Variants in ULK4 observed in about 807,000 individuals in gnomAD.
ULK4 encodes the protein inactive serine/threonine-protein kinase ULK4.
In ULK4, 133 loss-of-function variants were observed where a neutral mutation model predicts 160.6. The ratio of observed to expected loss-of-function variants is 0.83; its 90% CI spans 0.72 to 0.96. ULK4 has a LOEUF of 0.96. ULK4 is among the 40% of genes least tolerant of loss of function. ULK4 has a pLI of 0.00. For missense variants in ULK4, 1,580 were observed against 1,499.5 expected (o/e 1.05, Z -0.89); for synonymous variants, 534 against 539.8 (o/e 0.99, Z 0.15).
chr3:41,257,639 A>G (rs1427576959), intron 35 of ULK4, among the ~76,000 whole-genome samples: 1 of 152,022 alleles, frequency 6.6e-6, no homozygotes, highest in Non-Finnish European at 1.5e-5. Flanking sequence ...TCTCAAAAAA[A>G]AAAAAAAAAA....
At position 41,461,874 on chromosome 3, in the gene ULK4, CTGAAA is replaced by C. The variant is rs2083693572; in HGVS notation, c.3393+1208_3393+1212del. On this transcript the variant is annotated intron_variant, in intron 33 of 36. Coordinates refer to ENST00000301831, the MANE Select transcript of ULK4 (RefSeq NM_017886.4). ...TTACAAAAATCTACCACTATGGAAACTGAAATAAGAAACTGTGTTCTCTGAAAAGA... is the reference window on the plus strand; with the variant it reads ...TTACAAAAATCTACCACTATGGAAACTAAGAAACTGTGTTCTCTGAAAAGA... Among the ~76,000 whole-genome samples the C allele has an allele frequency of 3.9e-5, 6 of 152,018 alleles. No homozygotes were observed. In the South Asian group the frequency reaches 1.2e-3, roughly 31 times the overall value.
intron 35 of ULK4, among the ~76,000 whole-genome samples, chr3:41,358,341 AT>A (rs2081067089): frequency 6.6e-6 from 1 of 152,236 alleles, no homozygotes; most frequent in South Asian, 2.1e-4. Flanking sequence ...GTGCCTGTAT[AT>A]CAGAGGGGCA....
intron 18 of ULK4, among the ~76,000 whole-genome samples, chr3:41,827,506 G>A (rs1349810359): frequency 3.9e-5 from 6 of 152,042 alleles, no homozygotes; most frequent in Non-Finnish European, 8.8e-5. Flanking sequence ...TACCATCAGA[G>A]AATACTACAA....
At chr3:41,811,188 T>A in intron 19 of ULK4, among the ~76,000 whole-genome samples, 1 of 150,668 alleles carries the variant, frequency 6.6e-6, no homozygotes, top group South Asian at 2.1e-4. Flanking sequence ...CACCTGGCCT[T>A]TATTTATTTT....
At chr3:41,609,852 C>A (rs955047133) in intron 31 of ULK4, among the ~76,000 whole-genome samples, 10 of 151,892 alleles carry the variant, frequency 6.6e-5, no homozygotes, top group Admixed American at 5.9e-4. Flanking sequence ...CACACCCCTG[C>A]AGACACAGCT....
At chr3:41,803,746 T>C (rs1302499732) in intron 19 of ULK4, among the ~76,000 whole-genome samples, 1 of 152,186 alleles carries the variant, frequency 6.6e-6, no homozygotes, top group Admixed American at 6.5e-5. Context: ...TTTGGTTTTT[T>C]GTCCTTGCAA....
chr3:41,399,792 C>T (rs901872494), intron 34 of ULK4, among the ~76,000 whole-genome samples: 6 of 151,864 alleles, frequency 4.0e-5, no homozygotes, highest in South Asian at 2.1e-4. Flanking sequence ...TTTGTGTAGA[C>T]GGGTCTCACC....
chr3:41,801,364 G>A (rs979539236), intron 19 of ULK4, among the ~76,000 whole-genome samples: 9 of 152,010 alleles, frequency 5.9e-5, no homozygotes, highest in African/African-American at 1.9e-4. Context: ...ACTGTAGGAC[G>A]CCTTCAAAAG....
chr3:41,824,163 T>TTTAAAGA (rs555935496), intron 18 of ULK4, among the ~76,000 whole-genome samples: 1 of 117,812 alleles, frequency 8.5e-6, no homozygotes, highest in African/African-American at 3.5e-5. Flanking sequence ...ACTCTATCTT[T>TTTAAAGA]AAAAAAAAAA....
chr3:41,753,445 T>G (rs7650227), intron 22 of ULK4, among the ~76,000 whole-genome samples: 47,439 of 152,024 alleles, frequency 0.31, 10,721 homozygotes, highest in African/African-American at 0.64. Context: ...AACTGTCAGG[T>G]CTCCTCTGGG....
At chr3:41,817,308 C>T (rs535319755) in intron 19 of ULK4, among the ~76,000 whole-genome samples, 2 of 152,218 alleles carry the variant, frequency 1.3e-5, no homozygotes, top group South Asian at 2.1e-4. Flanking sequence ...TATATATATG[C>T]CACATTTTCT....
intron 32 of ULK4, among the ~76,000 whole-genome samples, chr3:41,504,403 T>G (rs114520027): frequency 1.5e-3 from 227 of 152,264 alleles, no homozygotes; most frequent in African/African-American, 4.7e-3. Flanking sequence ...TTTAAATAAA[T>G]GAATATGTGA....
rs1233752783 is a variant in ULK4, at chr3:41,949,333, C to A, written c.138+5289G>T. On this transcript the variant is annotated intron_variant, in intron 2 of 36. Coordinates refer to ENST00000301831, the MANE Select transcript of ULK4 (RefSeq NM_017886.4). ...ACACACAGACACACACACACACACACACAAAAAGTAAAGTTTCCATAAAAT... is the reference window on the plus strand; with the variant it reads ...ACACACAGACACACACACACACACAAACAAAAAGTAAAGTTTCCATAAAAT... Among the ~76,000 whole-genome samples the A allele has an allele frequency of 2.0e-5, 3 of 151,740 alleles. No individual in the cohort carries two copies. The East Asian group carries it at 5.8e-4, about 29-fold the overall frequency.
At chr3:41,944,526 T>C (rs1024175150) in intron 2 of ULK4, among the ~76,000 whole-genome samples, 2 of 152,172 alleles carry the variant, frequency 1.3e-5, no homozygotes, top group African/African-American at 4.8e-5. Flanking sequence ...CCAGTTATCA[T>C]CCCATTTCTC....
chr3:41,402,875 C>T (rs906221180), intron 34 of ULK4, among the ~76,000 whole-genome samples: 1 of 151,856 alleles, frequency 6.6e-6, no homozygotes, highest in Non-Finnish European at 1.5e-5. Flanking sequence ...GGAAATGTCC[C>T]CTCTTCTATT....
intron 34 of ULK4, among the ~76,000 whole-genome samples, chr3:41,414,292 T>C (rs2082477849): frequency 6.6e-6 from 1 of 152,178 alleles, no homozygotes; most frequent in African/African-American, 2.4e-5. Flanking sequence ...CAAGCACTCT[T>C]ATTAGCCACC....
chr3:41,879,980 C>T (rs1160685835), intron 17 of ULK4, among the ~76,000 whole-genome samples: 1 of 151,596 alleles, frequency 6.6e-6, no homozygotes, highest in Non-Finnish European at 1.5e-5. Flanking sequence ...ATTAGCTGGG[C>T]GTGGTAGTGC....
chr3:41,567,698 C>T (rs534406713), intron 31 of ULK4, among the ~76,000 whole-genome samples: 1 of 151,978 alleles, frequency 6.6e-6, no homozygotes, highest in East Asian at 1.9e-4. Flanking sequence ...CTCTTGACCT[C>T]GTGATCCATC....
intron 34 of ULK4, among the ~76,000 whole-genome samples, chr3:41,445,378 A>G (rs2125860982): frequency 6.6e-6 from 1 of 152,316 alleles, no homozygotes; most frequent in East Asian, 1.9e-4. Context: ...AACAACTTTC[A>G]AGTTCATATG....
Sources: allele counts gnomAD v4.1 joint callset (sites outside exome capture counted in the v4.1 genomes callset), GRCh38; gene constraint gnomAD v4.1.1; transcripts MANE v1.5; gene names NCBI Gene and HGNC (gene_info 2026-07-23, HGNC 2026-07-21).